Variants in FUT8 observed in about 807,000 individuals in gnomAD.
FUT8 encodes alpha-(1,6)-fucosyltransferase.
FUT8 carries 29 observed loss-of-function variants against 71.3 expected under a neutral mutation model. That is an observed-to-expected ratio of 0.41 (90% CI 0.30 to 0.55). The LOEUF is 0.55. Among genes scored for constraint, FUT8 ranks in the 20% least tolerant of loss-of-function variants. The pLI is 0.34. For missense variants in FUT8, 544 were observed against 702.1 expected (o/e 0.77, Z 2.55); for synonymous variants, 254 against 239.3 (o/e 1.06, Z -0.57).
chr14:65,503,294 A>G (rs551575661), intron 2 of FUT8, among the ~76,000 whole-genome samples: 2 of 152,344 alleles, frequency 1.3e-5, no homozygotes, highest in African/African-American at 2.4e-5. Context: ...GAATAGAACA[A>G]TTAACAAATT....
intron 7 of FUT8, among the ~76,000 whole-genome samples, chr14:65,717,298 G>A: frequency 8.2e-6 from 1 of 121,870 alleles, no homozygotes; most frequent in Non-Finnish European, 1.8e-5. Flanking sequence ...CCCAGACGAT[G>A]GGCGGCCGGG....
chr14:65,722,214 G>T lies in FUT8; in HGVS notation c.1082+193G>T, dbSNP rs370259935. ...TTGTTTACTTAGAACAGCTAAGAAAGTTGCTTAGTAGTGCTCTATTACTGT... is the reference window on the plus strand; with the variant it reads ...TTGTTTACTTAGAACAGCTAAGAAATTTGCTTAGTAGTGCTCTATTACTGT... On this transcript the variant is annotated intron_variant, in intron 8 of 10. Transcript: ENST00000673929. Among the ~76,000 whole-genome samples the T allele has an allele frequency of 7.4e-4, 113 of 152,280 alleles. No individual in the cohort carries two copies. The South Asian group carries it at 7.7e-3, about 10-fold the overall frequency.
At chr14:65,601,561 C>G (rs932723572) in intron 3 of FUT8, among the ~76,000 whole-genome samples, 10 of 152,004 alleles carry the variant, frequency 6.6e-5, no homozygotes, top group Non-Finnish European at 1.5e-4. Flanking sequence ...AAAATTTTTT[C>G]TTATTATCAT....
intron 2 of FUT8, among the ~76,000 whole-genome samples, chr14:65,547,634 A>G (rs1032436647): frequency 6.6e-6 from 1 of 151,826 alleles, no homozygotes; most frequent in Non-Finnish European, 1.5e-5. Flanking sequence ...CCTTTTAAAT[A>G]TATCTTGTAG....
chr14:65,733,423 G>C, intron 10 of FUT8, 42 bp downstream of exon 10: 1 of 1,449,520 alleles, frequency 6.9e-7, no homozygotes, highest in Non-Finnish European at 9.3e-7. Flanking sequence ...AATACTTTTT[G>C]GTTGTATAGG....
intron 7 of FUT8, among the ~76,000 whole-genome samples, chr14:65,677,150 GTGCGCGCGCGCA>G (rs1404341073): frequency 5.1e-5 from 6 of 118,240 alleles, no homozygotes; most frequent in African/African-American, 1.9e-4. Context: ...GTGTGTGTGT[GTGCGCGCGCGCA>G]TGCGCGCGCA....
rs149865759 is a variant in FUT8 at position 65,736,298 on chromosome 14, T to A, written c.1410+2917T>A. Among the ~76,000 whole-genome samples, 307 of 151,976 alleles carry A rather than the reference T, an allele frequency of 2.0e-3. 1 individual carries two copies. Among genetic ancestry groups the A allele is most frequent in the Middle Eastern group, 0.014 (4 of 294 alleles). On this transcript the variant is annotated intron_variant, in intron 10 of 10. Coordinates refer to ENST00000673929, the MANE Select transcript of FUT8 (RefSeq NM_001371533.1). ...ATATATGAATAGTTATAGGAATATC[T>A]CTGCCTGTTAGAGACACTCTATAGT...
At chr14:65,401,895 TAAAAAAAAA>T in the FUT8 span, among the ~76,000 whole-genome samples, 5 of 105,266 alleles carry the variant, frequency 4.7e-5, no homozygotes, top group African/African-American at 1.8e-4. Flanking sequence ...AGACCCTGTC[TAAAAAAAAA>T]AAAAAAAAAA....
chr14:65,454,012 T>C (rs1187420795), intron 1 of FUT8, among the ~76,000 whole-genome samples: 1 of 116,744 alleles, frequency 8.6e-6, no homozygotes, highest in Non-Finnish European at 1.9e-5. Flanking sequence ...GTTTGTTTTC[T>C]TGTTTCAGGG....
At position 65,660,787 on chromosome 14, in the gene FUT8, G is replaced by A. The variant is rs553607312; in HGVS notation, c.598-8456G>A. ...ATGCTTTTTAATTGCCTCTTTCATG[G>A]TTATTAACTGAGTCTTCATTTTAAT... On this transcript the variant is annotated intron_variant, in intron 6 of 10. Transcript: ENST00000673929. The surrounding 1 kb of genome is among the most constrained non-coding windows in gnomAD (Gnocchi z 4.1). 7.2e-5 allele frequency among the ~76,000 whole-genome samples: 11 copies of A among 152,062 alleles called. No homozygotes were observed. Among genetic ancestry groups the A allele is most frequent in the Non-Finnish European group, 1.2e-4 (8 of 68,012 alleles).
intron 1 of FUT8, among the ~76,000 whole-genome samples, chr14:65,426,806 G>A (rs991839461): frequency 6.6e-6 from 1 of 152,138 alleles, no homozygotes; most frequent in Admixed American, 6.5e-5. Flanking sequence ...TTTAAAAGCT[G>A]AATATGAATC....
intron 6 of FUT8, among the ~76,000 whole-genome samples, chr14:65,650,890 G>GTT (rs372938292): frequency 1.4e-4 from 22 of 152,258 alleles, no homozygotes; most frequent in African/African-American, 5.3e-4. Flanking sequence ...TATCTATCCA[G>GTT]TTGCAGTCCC....
At chr14:65,481,389 C>T (rs1039015098) in intron 2 of FUT8, among the ~76,000 whole-genome samples, 3 of 149,456 alleles carry the variant, frequency 2.0e-5, no homozygotes, top group Admixed American at 6.7e-5. Flanking sequence ...GTAACATATA[C>T]TTTTTTTTTT....
intron 3 of FUT8, among the ~76,000 whole-genome samples, chr14:65,579,496 G>A (rs973772695): frequency 6.6e-6 from 1 of 152,104 alleles, no homozygotes; most frequent in African/African-American, 2.4e-5. Flanking sequence ...ATAATGATAG[G>A]TTAGTGTCTT....
Position 65,721,765 on chromosome 14 carries a change from A to C in FUT8, c.836-10A>C. Reference sequence around the variant, plus strand: ...CATGTGGTAATGATTATATGTTTCAATATTGTCAGGTGAAGTGAAGGACAA... The same window carrying C: ...CATGTGGTAATGATTATATGTTTCACTATTGTCAGGTGAAGTGAAGGACAA... On this transcript the variant is annotated splice_polypyrimidine_tract_variant and intron_variant, in intron 7 of 10. Transcript: ENST00000673929. The C allele has an allele frequency of 6.2e-7, 1 of 1,613,854 alleles. No homozygotes were observed. Among genetic ancestry groups the C allele is most frequent in the Non-Finnish European group, 8.5e-7 (1 of 1,179,716 alleles).
intron 2 of FUT8, among the ~76,000 whole-genome samples, chr14:65,457,677 G>A (rs565302172): frequency 2.0e-5 from 3 of 152,290 alleles, no homozygotes; most frequent in South Asian, 2.1e-4. Flanking sequence ...CAGGGGGTAC[G>A]TGACAGGGGC....
intron 2 of FUT8, among the ~76,000 whole-genome samples, chr14:65,523,367 G>A (rs1883214977): frequency 6.6e-6 from 1 of 152,186 alleles, no homozygotes; most frequent in African/African-American, 2.4e-5. Context: ...CTGCATAAAT[G>A]TCTTCTTATG....
intron 8 of FUT8, among the ~76,000 whole-genome samples, chr14:65,722,494 C>CT (rs1388343845): frequency 3.3e-5 from 5 of 152,328 alleles, no homozygotes; most frequent in Admixed American, 3.3e-4. Context: ...CACCCCACAT[C>CT]TTTCCTTGTG....
the FUT8 span, among the ~76,000 whole-genome samples, chr14:65,372,304 TA>T: frequency 6.6e-6 from 1 of 152,194 alleles, no homozygotes; most frequent in African/African-American, 2.4e-5. Flanking sequence ...ACGCTTCTAG[TA>T]AATTTTTAAG....
Sources: allele counts gnomAD v4.1 joint callset (sites outside exome capture counted in the v4.1 genomes callset), GRCh38; gene constraint gnomAD v4.1.1; non-coding constraint Gnocchi (gnomAD v3.1); transcripts MANE v1.5; gene names NCBI Gene and HGNC (gene_info 2026-07-23, HGNC 2026-07-21).